SLFN13: variants seen among roughly 807,000 people sequenced by gnomAD.
The protein encoded by SLFN13 is schlafen family member 13.
Under a neutral mutation model 50.6 loss-of-function variants are expected in SLFN13, and 43 were observed. The observed-to-expected ratio is 0.85, with a 90% CI of 0.67 to 1.09. SLFN13 has a LOEUF of 1.09. Among genes scored for constraint, SLFN13 ranks in the 50% least tolerant of loss-of-function variants. SLFN13 has a pLI of 0.00. For missense variants in SLFN13, 881 were observed against 1,071.1 expected, an observed-to-expected ratio of 0.82 and a Z score of 2.48; for synonymous variants, 339 against 386.5, an observed-to-expected ratio of 0.88 and a Z score of 1.44.
In SLFN13 at chr17:35,441,280, G is replaced by A. The variant is rs778835498; in HGVS notation, c.2009C>T (p.Ala670Val). 3 of 1,613,988 alleles carry A rather than the reference G, an allele frequency of 1.9e-6. No homozygotes were observed. The highest frequency in any genetic ancestry group is 2.5e-6 in the Non-Finnish European group (3 of 1,179,984). The change falls in exon 6 of 6, where the codon GCT becomes GTT. Residue 670 changes from alanine to valine, a missense_variant. Ala to Val is a moderately conservative substitution (Grantham distance 64). Coordinates refer to ENST00000285013, the MANE Select transcript of SLFN13 (RefSeq NM_144682.6). ...EHIQHIVIDE[A>V]QNFRTEDGDW... Reference sequence around the variant, plus strand: ...CCCATCTTCAGTACGGAAATTCTGAGCTTCGTCAATGACGATGTGTTGAAT... The same window carrying A: ...CCCATCTTCAGTACGGAAATTCTGAACTTCGTCAATGACGATGTGTTGAAT...
In SLFN13 at chr17:35,442,276, T is replaced by C. The variant is rs1287041931; in HGVS notation, c.1209A>G (p.Gly403=). ...LQQHLFPVPP[G]HLECTPESLW... is the part of the protein sequence containing the mutation. ...GGGACTCTGGAGTACATTCCAAATG[T>C]CCTGGTGGAACTAGACAGGAAGAAA... The change falls in exon 5 of 6, where the codon GGA becomes GGG. Residue 403 remains glycine (G), a synonymous_variant. Coordinates refer to ENST00000285013, the MANE Select transcript of SLFN13 (RefSeq NM_144682.6). 3.2e-6 allele frequency: 5 copies of C among 1,585,538 alleles called. No homozygotes were observed. In the East Asian group the frequency reaches 1.1e-4, roughly 36 times the overall value.
rs543418237 is a variant in SLFN13 at position 35,446,459 on chromosome 17, A to G, written c.-13-766T>C. Among the ~76,000 whole-genome samples the G allele has an allele frequency of 4.2e-4, 64 of 152,328 alleles. 1 individual carries two copies. The highest frequency in any genetic ancestry group is 1.9e-3 in the East Asian group (10 of 5,186). ...GAACAGAGTCAATGAAGATGGCTTG[A>G]ATTCCAGTTCTGCCATTTAGTACTG... On this transcript the variant is annotated intron_variant, in intron 2 of 5. Coordinates refer to ENST00000285013, the MANE Select transcript of SLFN13 (RefSeq NM_144682.6).
In SLFN13 at chr17:35,444,654, T is replaced by C. The variant is rs1913095122; in HGVS notation, c.1027A>G (p.Thr343Ala). ...ATCATTTTCTCTACCCATTCCTCAG[T>C]TGTCAAGGGGCGGATGTACTTCTCC... ...VREKYIRPLT[T>A]EEWVEKMMDA... Residue 343 changes from threonine (T) to alanine (A), a missense_variant, in exon 3 of 6, where the codon ACT becomes GCT. Coordinates refer to ENST00000285013, the MANE Select transcript of SLFN13 (RefSeq NM_144682.6). The C allele has an allele frequency of 2.5e-6, 4 of 1,614,116 alleles. No homozygotes were observed. Among genetic ancestry groups the C allele is most frequent in the African/African-American group, 1.3e-5 (1 of 74,948 alleles).
rs1912713029 is a variant in SLFN13, at chr17:35,438,880, A to G, written c.*1715T>C. 6.6e-6 allele frequency: 1 copy of G among 152,166 alleles called. No individual in the cohort carries two copies. Among genetic ancestry groups the G allele is most frequent in the Non-Finnish European group, 1.5e-5 (1 of 68,036 alleles). The allele number at this position is 152,166 out of a possible 1,614,324, so 9.4% of individuals were successfully genotyped here. A position where few individuals can be genotyped will look rare whatever the true frequency, so the allele number is the denominator to read the frequency against. On this transcript the variant is annotated 3_prime_UTR_variant, in exon 6 of 6. Coordinates refer to ENST00000285013, the MANE Select transcript of SLFN13 (RefSeq NM_144682.6). ...ATGTTTTGTAGAGACTGAAAAGCAA[A>G]TAAGTAATTGCATTAGCATTGTTAA... is the stretch of plus-strand genomic sequence containing the variant.
In SLFN13 at chr17:35,445,533, C is replaced by T. The variant is rs7216628; in HGVS notation, c.148G>A (p.Ala50Thr). The change falls in exon 3 of 6, where the codon GCG becomes ACG. Residue 50 changes from alanine to threonine, a missense_variant. Transcript: ENST00000285013. The part of the protein sequence containing the change: ...DQERARVIRA[A>T]CALLNSGGGV... The stretch of plus-strand genomic sequence containing the variant: ...CCTCCTGAGTTTAATAAAGCACACG[C>T]GGCCCGTATAACTCTCGCCCTCTCT... 4,481 of 1,614,108 alleles carry T rather than the reference C, an allele frequency of 2.8e-3. 104 individuals carry two copies. In the African/African-American group the frequency reaches 0.051, roughly 18 times the overall value.
At chr17:35,442,713 G>A (rs188941443) in intron 4 of SLFN13, among the ~76,000 whole-genome samples, 1 of 152,294 alleles carries the variant, frequency 6.6e-6, no homozygotes, top group East Asian at 1.9e-4. Flanking sequence ...AAAGTGCTGG[G>A]ATTACAGGCA....
intron 3 of SLFN13, 134 bp from the exon 4 acceptor site, chr17:35,444,054 C>T: frequency 1.3e-6 from 1 of 780,510 alleles, no homozygotes; most frequent in Non-Finnish European, 1.9e-6. Context: ...TTTACCCTTT[C>T]TTGACTCTAT....
rs1379078697 is a variant in SLFN13 at position 35,435,131 on chromosome 17, AG to A, written c.*5463del. Reference sequence around the variant, plus strand: ...ATTATGTTTTTATTAACTATTGAGTAGAAACAATATTTATAGAATACATATA... The same window carrying A: ...ATTATGTTTTTATTAACTATTGAGTAAAACAATATTTATAGAATACATATA... On this transcript the variant is annotated 3_prime_UTR_variant, in exon 6 of 6. Transcript: ENST00000285013. 6.6e-6 allele frequency: 1 copy of A among 152,140 alleles called. No homozygotes were observed. Among genetic ancestry groups the A allele is most frequent in the East Asian group, 1.9e-4 (1 of 5,200 alleles). The allele number at this position is 152,140 out of a possible 1,614,324, so 9.4% of individuals were successfully genotyped here.
chr17:35,443,317 T>C (rs1354501813), intron 4 of SLFN13, among the ~76,000 whole-genome samples: 2 of 152,216 alleles, frequency 1.3e-5, no homozygotes, highest in Admixed American at 1.3e-4. Flanking sequence ...ATTTGTGGTT[T>C]TTCTATATTC....
At position 35,441,599 on chromosome 17, in the gene SLFN13, T is replaced by C. The variant is rs556702084; in HGVS notation, c.1886A>G (p.Tyr629Cys). The stretch of plus-strand genomic sequence containing the variant: ...CCTCAGAGGCTGGTTTTCACAAACG[T>C]AGAGAATTCTGTGTGCCTCACAGTG... The part of the protein sequence containing the change: ...VFHCEAHRIL[Y>C]VCENQPLRNF... The change falls in exon 5 of 6, where the codon TAC (tyrosine) becomes TGC (cysteine). Residue 629 changes from tyrosine (Y) to cysteine (C), a missense_variant. Physicochemically the swap from Tyr to Cys is radical, Grantham distance 194 (BLOSUM62 -2). Coordinates refer to ENST00000285013, the MANE Select transcript of SLFN13 (RefSeq NM_144682.6). The C allele has an allele frequency of 3.0e-5, 48 of 1,588,390 alleles. 1 individual carries two copies. The South Asian group carries it at 4.5e-4, about 15-fold the overall frequency.
chr17:35,443,823 T>TTCCA lies in SLFN13; in HGVS notation c.1160_1163dup (p.Glu388AspfsTer6). The TTCCA allele has an allele frequency of 1.2e-6, 2 of 1,613,336 alleles. No individual in the cohort carries two copies. Among genetic ancestry groups the TTCCA allele is most frequent in the Non-Finnish European group, 1.7e-6 (2 of 1,179,368 alleles). On this transcript the variant is annotated frameshift_variant, in exon 4 of 6. Coordinates refer to ENST00000285013, the MANE Select transcript of SLFN13 (RefSeq NM_144682.6). LOFTEE classifies it high-confidence loss of function. ...AATGTTGTTGTAGATCAGCTTTGTG[T>TTCCA]TCCAGACCTTTCTTAGAATACACTG...
chr17:35,442,333 T>C, intron 4 of SLFN13, 47 bp from the exon 5 acceptor site: 1 of 1,509,542 alleles, frequency 6.6e-7, no homozygotes, highest in East Asian at 2.3e-5. Context: ...GTTTATGTGA[T>C]TTTGTATGAA....
Position 35,441,646 on chromosome 17 carries a change from C to T in SLFN13, c.1839G>A (p.Met613Ile). ...SGKTIMAMKI[M>I]EKIRNVFHCE... ...AGTGAAACACATTCCTGATCTTCTC[C>T]ATGATCTTCATGGCCATGATGGTCT... Residue 613 changes from methionine (M) to isoleucine (I), a missense_variant, in exon 5 of 6, where the codon ATG becomes ATA. By Grantham distance (10) the Met-to-Ile change is conservative. Around this residue, in one of 5 missense-constraint regions of SLFN13, gnomAD observed 25 missense variants for 64.4 expected, o/e 0.39. Transcript: ENST00000285013. 3.7e-6 allele frequency: 6 copies of T among 1,606,030 alleles called. No individual in the cohort carries two copies. The highest frequency in any genetic ancestry group is 5.1e-6 in the Non-Finnish European group (6 of 1,176,408).
upstream of SLFN13, among the ~76,000 whole-genome samples, chr17:35,449,410 C>G (rs746068004): frequency 6.6e-6 from 1 of 152,132 alleles, no homozygotes; most frequent in Non-Finnish European, 1.5e-5. Context: ...AGGGTCCAGC[C>G]AAGCTCTCGC....
chr17:35,440,289 T>C lies in SLFN13; in HGVS notation c.*306A>G. ...CTGAGTTTCTTATTTTTATGGCTTT[T>C]ACCCAGAGAGCAAGACACAGGTCTG... On this transcript the variant is annotated 3_prime_UTR_variant, in exon 6 of 6. Coordinates refer to ENST00000285013, the MANE Select transcript of SLFN13 (RefSeq NM_144682.6). The C allele has an allele frequency of 3.3e-6, 1 of 302,678 alleles. No individual in the cohort carries two copies. Among genetic ancestry groups the C allele is most frequent in the Non-Finnish European group, 6.1e-6 (1 of 164,610 alleles). 18.7% of individuals were successfully genotyped at this position (302,678 alleles called of 1,614,324 possible). A position where few individuals can be genotyped will look rare whatever the true frequency, so the allele number is the denominator to read the frequency against.
chr17:35,442,442 TTGTC>T lies in SLFN13; in HGVS notation c.1199-160_1199-157del, dbSNP rs1029246549. On this transcript the variant is annotated intron_variant, in intron 4 of 5. Transcript: ENST00000285013. ...CATCTCTGGTTTTTTGTTTGTTTGTTTGTCTGTCTGTCTGTTTTTGAGACGGAGT... is the reference window on the plus strand; with the variant it reads ...CATCTCTGGTTTTTTGTTTGTTTGTTTGTCTGTCTGTTTTTGAGACGGAGT... Among the ~76,000 whole-genome samples the T allele has an allele frequency of 1.2e-3, 186 of 152,322 alleles. 2 individuals are homozygous for T. The highest frequency in any genetic ancestry group is 4.9e-4 in the Non-Finnish European group (33 of 68,024).
rs1230325230 is a variant in SLFN13, at chr17:35,442,665, G to A, written c.1199-379C>T. On this transcript the variant is annotated intron_variant, in intron 4 of 5. Coordinates refer to ENST00000285013, the MANE Select transcript of SLFN13 (RefSeq NM_144682.6). ...TCCCCATGTTGGCCAGGATGGTCTC[G>A]ATCTCCTGACCTCATGATCTGCCCG... Among the ~76,000 whole-genome samples, 3 of 152,090 alleles carry A rather than the reference G, an allele frequency of 2.0e-5. No homozygotes were observed. In the East Asian group the frequency reaches 5.8e-4, roughly 29 times the overall value.
chr17:35,440,786 C>T lies in SLFN13; in HGVS notation c.2503G>A (p.Val835Met). The stretch of plus-strand genomic sequence containing the variant: ...TCACATGCATCACTGAGCTGCACCA[C>T]CATTTTCTTCCTCATTGCTTTCAAG... ...KLLKAMRKKM[V>M]VQLSDACDML... Residue 835 changes from valine to methionine, a missense_variant, in exon 6 of 6, where the codon GTG (valine) becomes ATG (methionine). Coordinates refer to ENST00000285013, the MANE Select transcript of SLFN13 (RefSeq NM_144682.6). 6.2e-7 allele frequency: 1 copy of T among 1,614,076 alleles called. No individual in the cohort carries two copies. Among genetic ancestry groups the T allele is most frequent in the Non-Finnish European group, 8.5e-7 (1 of 1,180,024 alleles).
chr17:35,443,959 C>T (rs754643905), intron 3 of SLFN13, 39 bp from the exon 4 acceptor site: 1 of 1,595,914 alleles, frequency 6.3e-7, no homozygotes, highest in South Asian at 1.1e-5. Flanking sequence ...TATATGATTT[C>T]ATGTCTCGCT....
Sources: gnomAD v4.1 joint callset for allele counts (sites outside exome capture counted in the v4.1 genomes callset) on GRCh38, gnomAD v4.1.1 for gene constraint, gnomAD v4.1.1 regional missense constraint, MANE v1.5 for transcripts, NCBI Gene and HGNC (gene_info 2026-07-23, HGNC 2026-07-21) for gene names.